Variants in CHRM5 observed in about 807,000 individuals in gnomAD.
The protein encoded by CHRM5 is muscarinic acetylcholine receptor M5.
Under a neutral mutation model 39.0 loss-of-function variants are expected in CHRM5, and 18 were observed. That is an observed-to-expected ratio of 0.46 (90% confidence interval 0.32 to 0.68). The LOEUF is 0.68. Among genes scored for constraint, CHRM5 ranks in the 30% least tolerant of loss-of-function variants. The pLI, the probability that CHRM5 is intolerant of heterozygous loss-of-function variation, is 0.04. For missense variants in CHRM5, 515 were observed against 651.1 expected (o/e 0.79, Z 2.28); for synonymous variants, 241 against 246.3 (o/e 0.98, Z 0.20).
At chr15:33,996,584 C>T (rs982134062) in intron 1 of CHRM5, among the ~76,000 whole-genome samples, 17 of 152,348 alleles carry the variant, frequency 1.1e-4, no homozygotes, top group African/African-American at 3.6e-4. Context: ...GGACCTCCCA[C>T]AAACTCCAAC....
At chr15:34,031,962 A>C (rs545239868) in intron 1 of CHRM5, among the ~76,000 whole-genome samples, 2 of 152,072 alleles carry the variant, frequency 1.3e-5, no homozygotes, top group Non-Finnish European at 2.9e-5. Flanking sequence ...ATTTCCATCC[A>C]AGAGAAAAAG....
At chr15:34,025,348 CAAG>C (rs1167082794) in intron 1 of CHRM5, among the ~76,000 whole-genome samples, 2 of 152,100 alleles carry the variant, frequency 1.3e-5, no homozygotes, top group African/African-American at 4.8e-5. Flanking sequence ...ATAAAATCGA[CAAG>C]AAGTTTAGAG....
At chr15:34,040,805 T>A (rs1483861040) in intron 1 of CHRM5, among the ~76,000 whole-genome samples, 3 of 151,704 alleles carry the variant, frequency 2.0e-5, no homozygotes, top group Non-Finnish European at 1.5e-5. Flanking sequence ...ATAGTCCCAC[T>A]ACTTGGGAGG....
chr15:34,020,183 T>C (rs1018155255), intron 1 of CHRM5, among the ~76,000 whole-genome samples: 7 of 151,986 alleles, frequency 4.6e-5, no homozygotes, highest in East Asian at 1.9e-4. Flanking sequence ...TGGTGGTGGG[T>C]GCCTGTAGTC....
chr15:34,040,616 G>A (rs1271361249), intron 1 of CHRM5, among the ~76,000 whole-genome samples: 4 of 152,208 alleles, frequency 2.6e-5, no homozygotes, highest in Admixed American at 6.5e-5. Flanking sequence ...TAAAACAGAT[G>A]TTAAGTAACT....
intron 2 of CHRM5, among the ~76,000 whole-genome samples, chr15:34,048,545 A>G (rs1274818897): frequency 2.0e-5 from 3 of 150,464 alleles, no homozygotes; most frequent in Non-Finnish European, 4.4e-5. Flanking sequence ...CAGAGCTCTG[A>G]TTTCTCCCTG....
chr15:34,001,835 C>T (rs974376804), intron 1 of CHRM5, among the ~76,000 whole-genome samples: 12 of 152,054 alleles, frequency 7.9e-5, no homozygotes, highest in Admixed American at 7.9e-4. Flanking sequence ...TGCCAGCATT[C>T]AAAAATACAG....
At chr15:33,984,348 A>G (rs1254465516) in intron 1 of CHRM5, among the ~76,000 whole-genome samples, 2 of 152,136 alleles carry the variant, frequency 1.3e-5, no homozygotes, top group Non-Finnish European at 2.9e-5. Context: ...TAATCTACAT[A>G]CAAGATATTC....
At chr15:34,052,706 A>G (rs1899971053) in intron 2 of CHRM5, among the ~76,000 whole-genome samples, 1 of 152,156 alleles carries the variant, frequency 6.6e-6, no homozygotes, top group Admixed American at 6.5e-5. Flanking sequence ...CAACAACAGG[A>G]AAGCACAGAG....
chr15:34,038,706 C>A, intron 1 of CHRM5: 1 of 1,107,472 alleles, frequency 9.0e-7, no homozygotes, highest in Non-Finnish European at 1.1e-6. Context: ...TCTCTTGCGG[C>A]TCTTGACTGG....
intron 1 of CHRM5, among the ~76,000 whole-genome samples, chr15:34,045,248 A>G (rs1304158006): frequency 1.3e-5 from 2 of 152,214 alleles, no homozygotes; most frequent in African/African-American, 4.8e-5. Flanking sequence ...ACTAGTGAAC[A>G]CAAAGTATGT....
At chr15:34,014,179 A>G (rs939670271) in intron 1 of CHRM5, among the ~76,000 whole-genome samples, 1 of 152,118 alleles carries the variant, frequency 6.6e-6, no homozygotes, top group Non-Finnish European at 1.5e-5. Flanking sequence ...CCTGGCCAAC[A>G]TGGCAAAACC....
intron 1 of CHRM5, among the ~76,000 whole-genome samples, chr15:34,039,645 G>A (rs998522459): frequency 2.0e-5 from 3 of 152,132 alleles, no homozygotes; most frequent in African/African-American, 7.2e-5. Context: ...TGCAGCACGT[G>A]GGAGAGAGAA....
chr15:33,991,150 A>C (rs1896703462), intron 1 of CHRM5: 1 of 152,242 alleles, frequency 6.6e-6, no homozygotes, highest in African/African-American at 2.4e-5. Flanking sequence ...TCAAATGAGA[A>C]AAACATTACA....
intron 1 of CHRM5, among the ~76,000 whole-genome samples, chr15:34,008,109 G>A (rs891260028): frequency 1.3e-5 from 2 of 151,968 alleles, no homozygotes; most frequent in African/African-American, 4.8e-5. Context: ...ACCTATCACA[G>A]GAGAAAAAAA....
chr15:34,048,355 A>G (rs1288603361), intron 2 of CHRM5, among the ~76,000 whole-genome samples: 30 of 151,748 alleles, frequency 2.0e-4, no homozygotes. Flanking sequence ...CAGCTGTTCC[A>G]GCCTGCTGGC....
intron 1 of CHRM5, among the ~76,000 whole-genome samples, chr15:34,009,841 T>G (rs1897561675): frequency 6.6e-6 from 1 of 151,938 alleles, no homozygotes; most frequent in Non-Finnish European, 1.5e-5. Context: ...AATAAAAAAT[T>G]AGCTGAGCAT....
chr15:34,033,783 GTTTTGTT>G (rs1315612804), intron 1 of CHRM5, among the ~76,000 whole-genome samples: 12 of 152,170 alleles, frequency 7.9e-5, no homozygotes, highest in East Asian at 7.7e-4. Flanking sequence ...AAAGAGTTGG[GTTTTGTT>G]TTTTGTTTTT....
chr15:34,025,732 GTGTTTTTGT>G (rs1482834326), intron 1 of CHRM5, among the ~76,000 whole-genome samples: 4 of 152,094 alleles, frequency 2.6e-5, no homozygotes, highest in East Asian at 1.9e-4. Flanking sequence ...TTGTGTGTGT[GTGTTTTTGT>G]TTTGGTTTGG....
Sources: gnomAD v4.1 joint callset for allele counts (sites outside exome capture counted in the v4.1 genomes callset) on GRCh38, gnomAD v4.1.1 for gene constraint, MANE v1.5 for transcripts, NCBI Gene and HGNC (gene_info 2026-07-23, HGNC 2026-07-21) for gene names.